The following CRISP3 variants were observed in gnomAD, a reference collection of about 807,000 sequenced individuals.
CRISP3 encodes the protein cysteine rich secretory protein 3, also known as cysteine-rich secretory protein 3.
A neutral mutation model predicts 36.1 loss-of-function variants in CRISP3; 33 were observed. The observed-to-expected ratio is 0.91, with a 90% CI of 0.69 to 1.22. CRISP3 has a LOEUF of 1.22. Among genes scored for constraint, CRISP3 ranks in the 50% most tolerant of loss-of-function variants. The probability of loss-of-function intolerance (pLI) is 0.00; values close to 1 mark genes in which losing one functional copy is unlikely to be tolerated. For missense variants in CRISP3, 330 were observed against 301.2 expected (o/e 1.10, Z -0.71); for synonymous variants, 117 against 104.6 (o/e 1.12, Z -0.72).
intron 7 of CRISP3, among the ~76,000 whole-genome samples, chr6:49,730,798 C>T (rs538972614): frequency 3.9e-5 from 6 of 152,214 alleles, no homozygotes; most frequent in Admixed American, 3.3e-4. Flanking sequence ...CCCAGCACTT[C>T]GGGTGGCTGA....
At chr6:49,729,614 C>T (rs763244262) in intron 7 of CRISP3, among the ~76,000 whole-genome samples, 6 of 152,114 alleles carry the variant, frequency 3.9e-5, no homozygotes, top group Non-Finnish European at 8.8e-5. Context: ...AATGACACTC[C>T]CAACTATTAA....
chr6:49,732,673 TGG>T (rs1271165176), intron 6 of CRISP3, among the ~76,000 whole-genome samples: 1 of 152,178 alleles, frequency 6.6e-6, no homozygotes, highest in Non-Finnish European at 1.5e-5. Context: ...TGAAATATAT[TGG>T]GGATCTCTTA....
intron 1 of CRISP3, among the ~76,000 whole-genome samples, chr6:49,738,677 C>T (rs1375615148): frequency 6.6e-6 from 1 of 152,132 alleles, no homozygotes; most frequent in African/African-American, 2.4e-5. Context: ...TGGTTCCCAG[C>T]ACTAAATTCA....
At chr6:49,743,358 A>G (rs1468764581) in intron 1 of CRISP3, among the ~76,000 whole-genome samples, 2 of 152,202 alleles carry the variant, frequency 1.3e-5, no homozygotes, top group Non-Finnish European at 2.9e-5. Context: ...AATGTAGGGT[A>G]ACTCCCAGGC....
chr6:49,739,382 T>C lies in CRISP3; in HGVS notation c.38-1984A>G, dbSNP rs1769141388. 3.9e-5 allele frequency among the ~76,000 whole-genome samples: 6 copies of C among 152,194 alleles called. No individual in the cohort carries two copies. In the South Asian group the frequency reaches 1.2e-3, roughly 32 times the overall value. On this transcript the variant is annotated intron_variant, in intron 1 of 7. Transcript: ENST00000263045. ...AGTGAACAAGACTTGGTTCTTGCCCTCAGAGTCCTGGTATATAATTACGGG... is the reference window on the plus strand; with the variant it reads ...AGTGAACAAGACTTGGTTCTTGCCCCCAGAGTCCTGGTATATAATTACGGG...
intron 4 of CRISP3, 125 bp from the exon 5 acceptor site, chr6:49,733,973 G>A (rs1214347346): frequency 4.9e-5 from 36 of 733,910 alleles, no homozygotes; most frequent in Non-Finnish European, 6.7e-5. Context: ...AGTACCCACC[G>A]TTAATGAATA....
chr6:49,740,891 A>G lies in CRISP3; in HGVS notation c.37+3440T>C, dbSNP rs543671631. Among the ~76,000 whole-genome samples the G allele has an allele frequency of 1.7e-4, 26 of 151,940 alleles. No individual in the cohort carries two copies. The South Asian group carries it at 5.0e-3, about 29-fold the overall frequency. ...CCGAGGTGAGCAGATCACGAGGTCAAGAGATCGAGACCATCCTGGCTAGCA... is the reference window on the plus strand; with the variant it reads ...CCGAGGTGAGCAGATCACGAGGTCAGGAGATCGAGACCATCCTGGCTAGCA... On this transcript the variant is annotated intron_variant, in intron 1 of 7. Coordinates refer to ENST00000263045, the MANE Select transcript of CRISP3 (RefSeq NM_006061.4).
Position 49,736,423 on chromosome 6 carries a change from C to G in CRISP3, c.196G>C (p.Val66Leu), listed in dbSNP as rs748645304. The change falls in exon 3 of 8, where the codon GTA becomes CTA. Residue 66 changes from valine (V) to leucine (L), a missense_variant. Physicochemically the swap from Val to Leu is conservative, Grantham distance 32. Coordinates refer to ENST00000263045, the MANE Select transcript of CRISP3 (RefSeq NM_006061.4). ...AGCATGTTTCTGGCAGGGGGAGATA[C>G]TGCTCTCCTCAGTTCATTGTGCTTA... is the stretch of plus-strand genomic sequence containing the variant. Reference protein sequence around the residue: ...VNKHNELRRAVSPPARNMLKM... With the variant: ...VNKHNELRRALSPPARNMLKM... 1 of 1,612,994 alleles carries G rather than the reference C, an allele frequency of 6.2e-7. No homozygotes were observed. The highest frequency in any genetic ancestry group is 1.3e-5 in the African/African-American group (1 of 74,994).
At chr6:49,731,130 A>C in intron 7 of CRISP3, 33 bp downstream of exon 7, 1 of 1,398,320 alleles carries the variant, frequency 7.2e-7, no homozygotes, top group Non-Finnish European at 9.9e-7. Context: ...AGATCATTTT[A>C]TTTTATTATC....
chr6:49,733,944 T>C, intron 4 of CRISP3, 96 bp from the exon 5 acceptor site: 1 of 1,118,726 alleles, frequency 8.9e-7, no homozygotes, highest in South Asian at 1.5e-5. Flanking sequence ...AGAATCCCTG[T>C]TTTTTAAATA....
Position 49,743,293 on chromosome 6 carries a change from C to T in CRISP3, c.37+1038G>A, listed in dbSNP as rs546815150. On this transcript the variant is annotated intron_variant, in intron 1 of 7. Transcript: ENST00000263045. ...TTGAGAATTCTGACACTCTTCCTCC[C>T]AATTCATCCCTGCCTGTTACAAATC... is the stretch of plus-strand genomic sequence containing the variant. 1.3e-3 allele frequency among the ~76,000 whole-genome samples: 200 copies of T among 152,242 alleles called. 3 individuals carry two copies. The highest frequency in any genetic ancestry group is 4.7e-3 in the African/African-American group (195 of 41,552).
rs769652993 is a variant in CRISP3 at position 49,736,493 on chromosome 6, A to G, written c.126T>C (p.Thr42=). The part of the protein sequence containing the change: ...PANEDKDPAF[T]ALLTTQTQVQ... ...CTTGTGTTTGGGTGGTTAACAAAGC[A>G]GTAAAAGCGGGATCCTAAGGGAAAA... is the stretch of plus-strand genomic sequence containing the variant. Residue 42 remains threonine (T), a synonymous_variant, in exon 3 of 8, where the codon ACT becomes ACC. Coordinates refer to ENST00000263045, the MANE Select transcript of CRISP3 (RefSeq NM_006061.4). 6.2e-7 allele frequency: 1 copy of G among 1,612,326 alleles called. No homozygotes were observed.
intron 1 of CRISP3, among the ~76,000 whole-genome samples, chr6:49,742,493 A>G (rs941805193): frequency 1.3e-5 from 2 of 151,910 alleles, no homozygotes; most frequent in South Asian, 4.2e-4. Flanking sequence ...TTAGCCGGGC[A>G]TGGTGGTGCA....
intron 1 of CRISP3, among the ~76,000 whole-genome samples, chr6:49,741,142 A>C (rs1769190977): frequency 1.1e-5 from 1 of 92,604 alleles, no homozygotes; most frequent in South Asian, 3.9e-4. Flanking sequence ...ACAAACAAAA[A>C]AAAACCACCA....
chr6:49,740,905 T>C (rs1158872344), intron 1 of CRISP3, among the ~76,000 whole-genome samples: 1 of 151,402 alleles, frequency 6.6e-6, no homozygotes, highest in Non-Finnish European at 1.5e-5. Flanking sequence ...ATCGAGACCA[T>C]CCTGGCTAGC....
intron 6 of CRISP3, among the ~76,000 whole-genome samples, chr6:49,732,415 T>C (rs572205424): frequency 1.3e-5 from 2 of 152,284 alleles, no homozygotes; most frequent in African/African-American, 4.8e-5. Context: ...CTCCCACTAG[T>C]GGTGAACAAC....
rs376851622 is a variant in CRISP3, at chr6:49,733,195, G to A, written c.560C>T (p.Ala187Val). The change falls in exon 6 of 8, where the codon GCT becomes GTT. Residue 187 changes from alanine to valine, a missense_variant and splice_region_variant. Physicochemically the swap from Ala to Val is moderately conservative, Grantham distance 64. Coordinates refer to ENST00000263045, the MANE Select transcript of CRISP3 (RefSeq NM_006061.4). ...AATAAACGCTAAAATATATACTTAC[G>A]CAGGACAATATTGGCAAACATAGTA... ...KYYYVCQYCP[A>V]GNWANRLYVP... 59 of 1,540,982 alleles carry A rather than the reference G, an allele frequency of 3.8e-5. No homozygotes were observed. The highest frequency in any genetic ancestry group is 7.2e-5 in the Admixed American group (4 of 55,924).
chr6:49,743,063 A>G (rs910036004), intron 1 of CRISP3, among the ~76,000 whole-genome samples: 4 of 152,216 alleles, frequency 2.6e-5, no homozygotes, highest in Non-Finnish European at 5.9e-5. Context: ...TATCTGTGAT[A>G]CAGAAAGCAG....
Position 49,728,071 on chromosome 6 carries a change from CAA to C in CRISP3, c.*657_*658del, listed in dbSNP as rs942621536. The C allele has an allele frequency of 2.0e-5, 3 of 151,920 alleles. No homozygotes were observed. Among genetic ancestry groups the C allele is most frequent in the African/African-American group, 7.3e-5 (3 of 41,348 alleles). 9.4% of individuals were successfully genotyped at this position (151,920 alleles called of 1,614,324 possible). A position where few individuals can be genotyped will look rare whatever the true frequency, so the allele number is the denominator to read the frequency against. ...GTATTCTTTTTTAAGGAAGTTTTGTCAAAGAGAAGAGAGGTTTAAAAATGAAG... is the reference window on the plus strand; with the variant it reads ...GTATTCTTTTTTAAGGAAGTTTTGTCAGAGAAGAGAGGTTTAAAAATGAAG... On this transcript the variant is annotated 3_prime_UTR_variant, in exon 8 of 8. Coordinates refer to ENST00000263045, the MANE Select transcript of CRISP3 (RefSeq NM_006061.4).
Sources: allele counts gnomAD v4.1 joint callset (sites outside exome capture counted in the v4.1 genomes callset), GRCh38; gene constraint gnomAD v4.1.1; transcripts MANE v1.5; gene names NCBI Gene and HGNC (gene_info 2026-07-23, HGNC 2026-07-21).